Variants in IGSF21 observed in about 807,000 individuals in gnomAD.
The protein encoded by IGSF21 is immunoglobin superfamily member 21.
In IGSF21, 28 loss-of-function variants were observed where a neutral mutation model predicts 46.8. That is an observed-to-expected ratio of 0.60 (90% confidence interval 0.44 to 0.82). The LOEUF is 0.82. Ranked by LOEUF, IGSF21 falls within the 40% of genes least tolerant of loss-of-function variation. IGSF21 has a pLI of 0.00. For missense variants in IGSF21, 624 were observed against 665.5 expected, an observed-to-expected ratio of 0.94 and a Z score of 0.69; for synonymous variants, 284 against 273.6, an observed-to-expected ratio of 1.04 and a Z score of -0.38.
chr1:18,143,762 C>T (rs890319080), intron 1 of IGSF21, among the ~76,000 whole-genome samples: 1 of 152,120 alleles, frequency 6.6e-6, no homozygotes, highest in African/African-American at 2.4e-5. Flanking sequence ...CCTTCTATGT[C>T]TCTGTTAAAG....
intron 1 of IGSF21, among the ~76,000 whole-genome samples, chr1:18,119,254 G>A (rs1037163812): frequency 1.4e-4 from 22 of 152,218 alleles, no homozygotes; most frequent in African/African-American, 5.1e-4. Flanking sequence ...CCAGAGGAGG[G>A]CAAATAGGCA....
intron 8 of IGSF21, 86 bp downstream of exon 8, chr1:18,377,078 G>A (rs963173029): frequency 1.4e-6 from 2 of 1,432,900 alleles, no homozygotes; most frequent in Non-Finnish European, 1.9e-6. Flanking sequence ...AGAAGCAGTA[G>A]GGGCCCAAAA....
chr1:18,287,283 C>T (rs1416926809), intron 2 of IGSF21, among the ~76,000 whole-genome samples: 2 of 151,784 alleles, frequency 1.3e-5, no homozygotes, highest in Non-Finnish European at 2.9e-5. Context: ...GTAGTCTCAA[C>T]TACTTGGGAG....
chr1:18,246,055 C>T (rs1173918384), intron 2 of IGSF21, among the ~76,000 whole-genome samples: 2 of 152,140 alleles, frequency 1.3e-5, no homozygotes, highest in Non-Finnish European at 2.9e-5. Context: ...GCTCTCTGAC[C>T]TTCTTTTTGT....
chr1:18,156,956 T>G (rs903230726), intron 1 of IGSF21, among the ~76,000 whole-genome samples: 1 of 152,068 alleles, frequency 6.6e-6, no homozygotes, highest in African/African-American at 2.4e-5. Context: ...GAAACCTGTC[T>G]CTACTAAAAA....
intron 3 of IGSF21, among the ~76,000 whole-genome samples, chr1:18,306,945 G>A (rs1197549559): frequency 6.6e-6 from 1 of 152,200 alleles, no homozygotes; most frequent in African/African-American, 2.4e-5. Context: ...CTGAAAACCT[G>A]CCACCTTCCA....
intron 2 of IGSF21, among the ~76,000 whole-genome samples, chr1:18,269,451 G>A (rs779408273): frequency 2.3e-4 from 35 of 152,146 alleles, no homozygotes; most frequent in Admixed American, 1.7e-3. Flanking sequence ...TAAATGATAC[G>A]TTTACAAGGA....
chr1:18,293,069 G>A (rs1159181005), intron 3 of IGSF21, among the ~76,000 whole-genome samples: 1 of 152,196 alleles, frequency 6.6e-6, no homozygotes, highest in East Asian at 1.9e-4. Flanking sequence ...CTCAGCTAGT[G>A]CCTGGTACTG....
chr1:18,294,794 G>T (rs1430939685), intron 3 of IGSF21, among the ~76,000 whole-genome samples: 2 of 152,256 alleles, frequency 1.3e-5, no homozygotes, highest in Non-Finnish European at 1.5e-5. Flanking sequence ...AGACCCTCTG[G>T]AGCCTAACGG....
intron 2 of IGSF21, among the ~76,000 whole-genome samples, chr1:18,288,687 G>A (rs143902860): frequency 6.6e-6 from 1 of 152,266 alleles, no homozygotes; most frequent in Non-Finnish European, 1.5e-5. Flanking sequence ...GCAAATAGCT[G>A]CTAGCCCGCT....
intron 3 of IGSF21, among the ~76,000 whole-genome samples, chr1:18,318,610 T>A (rs1207667823): frequency 6.6e-6 from 1 of 152,058 alleles, no homozygotes; most frequent in Non-Finnish European, 1.5e-5. Context: ...ACCCCACTTC[T>A]TCCATGGCAG....
chr1:18,280,197 C>T (rs1056668158), intron 2 of IGSF21, among the ~76,000 whole-genome samples: 2 of 152,134 alleles, frequency 1.3e-5, no homozygotes, highest in Admixed American at 1.3e-4. Flanking sequence ...CACACAGGTA[C>T]ACAGATACTG....
At position 18,343,673 on chromosome 1, in the gene IGSF21, G is replaced by A. The variant is rs552362338; in HGVS notation, c.424+8663G>A. Among the ~76,000 whole-genome samples, 129 of 152,312 alleles carry A rather than the reference G, an allele frequency of 8.5e-4. 1 individual carries two copies. The highest frequency in any genetic ancestry group is 1.4e-3 in the Non-Finnish European group (95 of 68,030). ...ATCATTTGCATGTGGATGTCTGGTT[G>A]TCCCAGCACCATTTGTCGAACACAC... On this transcript the variant is annotated intron_variant, in intron 4 of 9. Coordinates refer to ENST00000251296, the MANE Select transcript of IGSF21 (RefSeq NM_032880.5).
At chr1:18,285,916 G>A (rs971915801) in intron 2 of IGSF21, among the ~76,000 whole-genome samples, 8 of 152,244 alleles carry the variant, frequency 5.3e-5, no homozygotes, top group East Asian at 3.9e-4. Context: ...TATTATTACC[G>A]CATGCCAAGC....
At chr1:18,114,269 T>C (rs1570236470) in intron 1 of IGSF21, 1 of 152,182 alleles carries the variant, frequency 6.6e-6, no homozygotes, top group East Asian at 1.9e-4. Flanking sequence ...ATAGTGAACT[T>C]CCAATCCCCT....
At chr1:18,143,594 A>G (rs949104079) in intron 1 of IGSF21, among the ~76,000 whole-genome samples, 1 of 152,114 alleles carries the variant, frequency 6.6e-6, no homozygotes, top group Non-Finnish European at 1.5e-5. Context: ...TTGCTGGAGA[A>G]TCTGTTCCCA....
intron 1 of IGSF21, among the ~76,000 whole-genome samples, chr1:18,156,188 C>T (rs1388708735): frequency 6.6e-6 from 1 of 152,084 alleles, no homozygotes; most frequent in Non-Finnish European, 1.5e-5. Flanking sequence ...AGGGCTGGGG[C>T]TGGCACTTCC....
intron 1 of IGSF21, among the ~76,000 whole-genome samples, chr1:18,186,132 C>G (rs940770649): frequency 6.6e-6 from 1 of 152,130 alleles, no homozygotes; most frequent in Admixed American, 6.5e-5. Context: ...TATTCCCTGT[C>G]CCCCAGACAC....
At chr1:18,191,153 G>T (rs566638124) in intron 1 of IGSF21, among the ~76,000 whole-genome samples, 3 of 152,310 alleles carry the variant, frequency 2.0e-5, no homozygotes, top group African/African-American at 7.2e-5. Flanking sequence ...TCCTCGTTAA[G>T]CACCCACTCA....
Sources: gnomAD v4.1 joint callset for allele counts (sites outside exome capture counted in the v4.1 genomes callset) on GRCh38, gnomAD v4.1.1 for gene constraint, MANE v1.5 for transcripts, NCBI Gene and HGNC (gene_info 2026-07-23, HGNC 2026-07-21) for gene names.